Variants in TNNI3K observed in about 807,000 individuals in gnomAD.
TNNI3K encodes TNNI3 interacting kinase.
Under a neutral mutation model 114.5 loss-of-function variants are expected in TNNI3K, and 140 were observed. That is an observed-to-expected ratio of 1.22 (90% confidence interval 1.07 to 1.41). The LOEUF (loss-of-function observed/expected upper bound fraction) is 1.41. Ranked by LOEUF, TNNI3K falls within the 40% of genes most tolerant of loss-of-function variation. TNNI3K has a pLI of 0.00. For synonymous variants in TNNI3K, 347 were observed against 347.5 expected (o/e 1.00, Z 0.02); for missense variants, 1,125 against 1,007.6 (o/e 1.12, Z -1.58).
At chr1:74,306,914 C>T (rs890689647) in intron 5 of TNNI3K, among the ~76,000 whole-genome samples, 1 of 152,082 alleles carries the variant, frequency 6.6e-6, no homozygotes. Flanking sequence ...CCTTTGAGGT[C>T]TTAATCATAA....
intron 21 of TNNI3K, among the ~76,000 whole-genome samples, chr1:74,486,746 A>T (rs541655202): frequency 6.6e-6 from 1 of 152,068 alleles, no homozygotes; most frequent in Non-Finnish European, 1.5e-5. Flanking sequence ...AAAAGCTTAA[A>T]GATAAGGAGG....
intron 7 of TNNI3K, among the ~76,000 whole-genome samples, chr1:74,339,295 C>A (rs116106553): frequency 0.015 from 2,296 of 152,250 alleles, 52 homozygotes; most frequent in African/African-American, 0.05. Flanking sequence ...GCGTGACTCA[C>A]ATTTTTAAGT....
rs548949464 is a variant in TNNI3K, at chr1:74,489,241, A to G, written c.2174A>G (p.Asn725Ser). ...VVMKLEECLCNIELMSPASSN... is the reference protein window; with the variant it reads ...VVMKLEECLCSIELMSPASSN... ...ATGAAGTTAGAAGAGTGTCTCTGCA[A>G]CATTGAGGTAAAAGCTTTAGCTTCT... Residue 725 changes from asparagine to serine, a missense_variant, in exon 22 of 25, where the codon AAC (asparagine) becomes AGC (serine). Physicochemically the swap from Asn to Ser is conservative, Grantham distance 46 (BLOSUM62 1). Transcript: ENST00000326637. 1 of 1,611,522 alleles carries G rather than the reference A, an allele frequency of 6.2e-7. No individual in the cohort carries two copies. The highest frequency in any genetic ancestry group is 2.2e-5 in the East Asian group (1 of 44,688).
chr1:74,329,362 A>G (rs1314535626), intron 5 of TNNI3K, among the ~76,000 whole-genome samples: 1 of 152,100 alleles, frequency 6.6e-6, no homozygotes, highest in Non-Finnish European at 1.5e-5. Context: ...TATTATAAAA[A>G]CAGCTCACTG....
intron 23 of TNNI3K, among the ~76,000 whole-genome samples, chr1:74,509,073 T>G (rs912276179): frequency 2.6e-5 from 4 of 152,226 alleles, no homozygotes; most frequent in Admixed American, 6.5e-5. Context: ...GGGATCCTTA[T>G]TCAGACACTT....
chr1:74,256,740 A>C (rs1264856092), intron 4 of TNNI3K, among the ~76,000 whole-genome samples: 1 of 152,130 alleles, frequency 6.6e-6, no homozygotes, highest in Non-Finnish European at 1.5e-5. Flanking sequence ...CCAGTAGTAT[A>C]GTTTCATTTT....
Position 74,249,547 on chromosome 1 carries a change from G to A in TNNI3K, c.235+3G>A, listed in dbSNP as rs767445454. ...TCATTTATGTTGCATTTGTGGAGGTGAGTACTTGAAACTTAGTACTTCTTA... is the reference window on the plus strand; with the variant it reads ...TCATTTATGTTGCATTTGTGGAGGTAAGTACTTGAAACTTAGTACTTCTTA... On this transcript the variant is annotated splice_donor_region_variant and intron_variant, in intron 3 of 24. Coordinates refer to ENST00000326637, the MANE Select transcript of TNNI3K (RefSeq NM_015978.3). 6 of 1,613,168 alleles carry A rather than the reference G, an allele frequency of 3.7e-6. No individual in the cohort carries two copies. The South Asian group carries it at 5.5e-5, about 15-fold the overall frequency.
In TNNI3K at chr1:74,249,448, G is replaced by T. The variant is rs757172754; in HGVS notation, c.150-11G>T. On this transcript the variant is annotated splice_polypyrimidine_tract_variant and intron_variant, in intron 2 of 24. Coordinates refer to ENST00000326637, the MANE Select transcript of TNNI3K (RefSeq NM_015978.3). ...TGAATTTTGTGATCATCTGTAACAT[G>T]TTTTTTTCAGCTCTGATGAAGCCTT... 3 of 1,609,092 alleles carry T rather than the reference G, an allele frequency of 1.9e-6. No individual in the cohort carries two copies. Among genetic ancestry groups the T allele is most frequent in the Non-Finnish European group, 2.5e-6 (3 of 1,177,958 alleles).
At chr1:74,346,991 TTTATTAATTA>T (rs1661033915) in intron 9 of TNNI3K, among the ~76,000 whole-genome samples, 1 of 151,266 alleles carries the variant, frequency 6.6e-6, no homozygotes, top group Non-Finnish European at 1.5e-5. Flanking sequence ...TATTTATTTA[TTTATTAATTA>T]TTATTATTAT....
chr1:74,237,894 T>C (rs951455631), intron 2 of TNNI3K, among the ~76,000 whole-genome samples: 3 of 151,930 alleles, frequency 2.0e-5, no homozygotes, highest in Non-Finnish European at 4.4e-5. Context: ...TAATATTAAC[T>C]CCGGTGGATG....
chr1:74,367,992 A>G, intron 13 of TNNI3K, 28 bp downstream of exon 13: 1 of 1,524,718 alleles, frequency 6.6e-7, no homozygotes, highest in Non-Finnish European at 8.8e-7. Context: ...CAATTGTTAT[A>G]TTTAATTACT....
chr1:74,352,943 C>T (rs7513813), intron 9 of TNNI3K, among the ~76,000 whole-genome samples: 2,462 of 152,216 alleles, frequency 0.016, 67 homozygotes, highest in African/African-American at 0.056. Flanking sequence ...CGCCCTACTT[C>T]GGCTCAGGCA....
intron 5 of TNNI3K, among the ~76,000 whole-genome samples, chr1:74,291,075 TAA>T (rs1657649822): frequency 6.6e-6 from 1 of 151,644 alleles, no homozygotes; most frequent in African/African-American, 2.4e-5. Flanking sequence ...ACCACCAGTT[TAA>T]GAAGTAATTT....
chr1:74,501,032 A>T (rs1438771115), intron 23 of TNNI3K, among the ~76,000 whole-genome samples: 2 of 152,166 alleles, frequency 1.3e-5, no homozygotes, highest in Non-Finnish European at 2.9e-5. Context: ...GATAATCCTC[A>T]GCTGTTGTCT....
chr1:74,467,715 T>C (rs1447523023), intron 21 of TNNI3K, among the ~76,000 whole-genome samples: 1 of 152,144 alleles, frequency 6.6e-6, no homozygotes, highest in African/African-American at 2.4e-5. Flanking sequence ...GTAATGCTCA[T>C]TGGAATAGCT....
intron 23 of TNNI3K, among the ~76,000 whole-genome samples, chr1:74,506,644 C>T (rs947243190): frequency 6.6e-6 from 1 of 152,218 alleles, no homozygotes; most frequent in African/African-American, 2.4e-5. Context: ...TAGAAATGTA[C>T]AATCTCAGGC....
intron 5 of TNNI3K, among the ~76,000 whole-genome samples, chr1:74,285,337 C>T (rs1657263090): frequency 6.6e-6 from 1 of 152,172 alleles, no homozygotes; most frequent in African/African-American, 2.4e-5. Flanking sequence ...TCTTTATGCT[C>T]TTTATCTTGC....
chr1:74,538,229 T>C (rs1469953541), intron 23 of TNNI3K, among the ~76,000 whole-genome samples: 1 of 152,122 alleles, frequency 6.6e-6, no homozygotes, highest in Non-Finnish European at 1.5e-5. Context: ...TGAGGAATTG[T>C]AGAATACAAG....
chr1:74,410,808 C>T (rs563011817), intron 17 of TNNI3K, among the ~76,000 whole-genome samples: 40 of 152,286 alleles, frequency 2.6e-4, no homozygotes, highest in African/African-American at 8.4e-4. Context: ...ATGGTGCTCT[C>T]AAAATCAGTG....
Sources: allele counts gnomAD v4.1 joint callset (sites outside exome capture counted in the v4.1 genomes callset), GRCh38; gene constraint gnomAD v4.1.1; transcripts MANE v1.5; gene names NCBI Gene and HGNC (gene_info 2026-07-23, HGNC 2026-07-21).